The following STXBP5L variants were observed in gnomAD, a reference collection of about 807,000 sequenced individuals.
The protein encoded by STXBP5L is syntaxin-binding protein 5-like.
Under a neutral mutation model 144.5 loss-of-function variants are expected in STXBP5L, and 65 were observed. The ratio of observed to expected loss-of-function variants is 0.45; its 90% CI spans 0.37 to 0.55. The LOEUF (loss-of-function observed/expected upper bound fraction) is 0.55. Among genes scored for constraint, STXBP5L ranks in the 20% least tolerant of loss-of-function variants. STXBP5L has a pLI of 0.00. For synonymous variants in STXBP5L, 505 were observed against 469.6 expected (o/e 1.08, Z -0.97); for missense variants, 1,298 against 1,405.5 (o/e 0.92, Z 1.22).
chr3:121,240,335 A>C, intron 13 of STXBP5L, 105 bp from the exon 14 acceptor site: 3 of 1,046,658 alleles, frequency 2.9e-6, no homozygotes, highest in Non-Finnish European at 4.2e-6. Flanking sequence ...TTTTACACTT[A>C]TTTTTCTTTA....
At chr3:121,279,330 C>T (rs1277501311) in intron 18 of STXBP5L, among the ~76,000 whole-genome samples, 2 of 151,670 alleles carry the variant, frequency 1.3e-5, no homozygotes, top group Non-Finnish European at 3.0e-5. Context: ...GTGTCAATGC[C>T]TTTGATATAT....
chr3:121,325,126 C>T (rs1315220602), intron 20 of STXBP5L, among the ~76,000 whole-genome samples: 1 of 151,690 alleles, frequency 6.6e-6, no homozygotes, highest in Non-Finnish European at 1.5e-5. Context: ...CCCATGCTAG[C>T]TCATAGTGTT....
intron 5 of STXBP5L, among the ~76,000 whole-genome samples, chr3:121,050,535 G>T (rs1947888104): frequency 1.3e-5 from 2 of 152,052 alleles, no homozygotes; most frequent in South Asian, 2.1e-4. Context: ...AGCAAATGCT[G>T]AGAGATTTTG....
chr3:121,165,703 C>G (rs1416294868), intron 9 of STXBP5L, among the ~76,000 whole-genome samples: 1 of 152,012 alleles, frequency 6.6e-6, no homozygotes, highest in Non-Finnish European at 1.5e-5. Context: ...TAACAGGCTT[C>G]CTGTCTCACA....
At chr3:121,240,360 C>A in intron 13 of STXBP5L, 80 bp from the exon 14 acceptor site, 1 of 1,295,920 alleles carries the variant, frequency 7.7e-7, no homozygotes, top group Non-Finnish European at 1.1e-6. Flanking sequence ...AGCTTTTTAT[C>A]ATTATTTTAA....
chr3:121,384,141 A>G (rs998283015), intron 22 of STXBP5L, among the ~76,000 whole-genome samples: 2 of 152,182 alleles, frequency 1.3e-5, no homozygotes, highest in Non-Finnish European at 2.9e-5. Context: ...TACCACCGAA[A>G]TAAGCACTGG....
chr3:121,340,895 T>C (rs948917025), intron 20 of STXBP5L, among the ~76,000 whole-genome samples: 4 of 152,144 alleles, frequency 2.6e-5, no homozygotes, highest in African/African-American at 9.7e-5. Flanking sequence ...TAGTTTTCTC[T>C]TTGCTAGCTT....
chr3:121,064,017 T>G (rs1209734269), intron 5 of STXBP5L, among the ~76,000 whole-genome samples: 1 of 152,092 alleles, frequency 6.6e-6, no homozygotes, highest in Non-Finnish European at 1.5e-5. Flanking sequence ...TCACTGGCAT[T>G]CCAAGCGCCA....
intron 22 of STXBP5L, among the ~76,000 whole-genome samples, chr3:121,398,114 C>T (rs1035969447): frequency 2.6e-5 from 4 of 152,236 alleles, no homozygotes; most frequent in African/African-American, 9.6e-5. Flanking sequence ...CAATCAGGAG[C>T]TGTGCCATGT....
chr3:121,303,912 A>T (rs1012765530), intron 19 of STXBP5L, among the ~76,000 whole-genome samples: 35 of 152,214 alleles, frequency 2.3e-4, no homozygotes, highest in Non-Finnish European at 2.8e-4. Context: ...TAGCATTAGG[A>T]GATATACCTA....
chr3:121,136,314 AC>A (rs1339106600), intron 7 of STXBP5L, among the ~76,000 whole-genome samples: 2 of 152,150 alleles, frequency 1.3e-5, no homozygotes, highest in East Asian at 3.9e-4. Flanking sequence ...CCTCCCCACC[AC>A]AGCTCCTGAC....
chr3:121,060,619 T>G (rs1162280186), intron 5 of STXBP5L, among the ~76,000 whole-genome samples: 5 of 152,154 alleles, frequency 3.3e-5, no homozygotes, highest in Non-Finnish European at 7.4e-5. Flanking sequence ...TTTTTGGTTG[T>G]TAGGCTATTA....
At chr3:121,034,164 G>T (rs1946587002) in intron 3 of STXBP5L, among the ~76,000 whole-genome samples, 1 of 151,794 alleles carries the variant, frequency 6.6e-6, no homozygotes, top group Admixed American at 6.6e-5. Flanking sequence ...TACATTTAAG[G>T]GGTACAATTG....
chr3:120,941,754 C>T (rs1367709390), intron 2 of STXBP5L, among the ~76,000 whole-genome samples: 6 of 151,550 alleles, frequency 4.0e-5, no homozygotes, highest in African/African-American at 1.5e-4. Context: ...GCACTAGGCT[C>T]AGTGAAGGGG....
intron 3 of STXBP5L, among the ~76,000 whole-genome samples, chr3:120,961,141 T>C (rs1938746196): frequency 6.6e-6 from 1 of 152,032 alleles, no homozygotes; most frequent in Non-Finnish European, 1.5e-5. Context: ...TAATGAGCCT[T>C]TGTATTTCTG....
At chr3:120,909,908 C>T in intron 2 of STXBP5L, 141 bp downstream of exon 2, 1 of 849,730 alleles carries the variant, frequency 1.2e-6, no homozygotes, top group East Asian at 3.1e-5. Flanking sequence ...GTGGGTAGAT[C>T]AGTTTGGCTT....
chr3:121,325,164 G>A (rs10934544), intron 20 of STXBP5L, among the ~76,000 whole-genome samples: 15,093 of 151,900 alleles, frequency 0.099, 1,181 homozygotes, highest in Admixed American at 0.2. Flanking sequence ...TCAAACACAG[G>A]TTGCACAGCC....
chr3:121,270,098 T>C (rs1169830806), intron 18 of STXBP5L, among the ~76,000 whole-genome samples: 2 of 152,158 alleles, frequency 1.3e-5, no homozygotes, highest in African/African-American at 4.8e-5. Context: ...TATGTTGTGA[T>C]ATTGGGCTTT....
At chr3:121,233,730 T>A in intron 12 of STXBP5L, 42 bp downstream of exon 12, 2 of 1,353,032 alleles carry the variant, frequency 1.5e-6, no homozygotes, top group South Asian at 1.4e-5. Context: ...AAACTCTATT[T>A]ATTTTAGATT....
Sources: allele counts gnomAD v4.1 joint callset (sites outside exome capture counted in the v4.1 genomes callset), GRCh38; gene constraint gnomAD v4.1.1; transcripts MANE v1.5; gene names NCBI Gene and HGNC (gene_info 2026-07-23, HGNC 2026-07-21).